The following PHF14 variants were observed in gnomAD, a reference collection of about 807,000 sequenced individuals.
PHF14 encodes PHD finger protein 14.
PHF14 carries 55 observed loss-of-function variants against 117.9 expected under a neutral mutation model. The observed-to-expected ratio is 0.47, with a 90% CI of 0.38 to 0.58. PHF14 has a LOEUF of 0.58. PHF14 is among the 20% of genes least tolerant of loss of function. PHF14 has a pLI of 0.00. For synonymous variants in PHF14, 409 were observed against 368.6 expected, an observed-to-expected ratio of 1.11 and a Z score of -1.26; for missense variants, 978 against 1,122.2, an observed-to-expected ratio of 0.87 and a Z score of 1.84.
At chr7:11,008,218 G>A (rs1458509483) in intron 4 of PHF14, among the ~76,000 whole-genome samples, 1 of 152,170 alleles carries the variant, frequency 6.6e-6, no homozygotes, top group East Asian at 1.9e-4. Flanking sequence ...TTTACTGTTA[G>A]CCTAGCCCAA....
intron 7 of PHF14, among the ~76,000 whole-genome samples, chr7:11,033,434 G>A (rs1365004654): frequency 6.6e-6 from 1 of 152,112 alleles, no homozygotes; most frequent in Non-Finnish European, 1.5e-5. Flanking sequence ...GCAAAGAGGA[G>A]GTTAAGAGTA....
At chr7:11,007,484 C>G (rs1194144991) in intron 4 of PHF14, among the ~76,000 whole-genome samples, 3 of 151,976 alleles carry the variant, frequency 2.0e-5, no homozygotes, top group African/African-American at 7.3e-5. Context: ...AAAACTCAAT[C>G]CAAAGAAAGG....
intron 4 of PHF14, among the ~76,000 whole-genome samples, chr7:11,003,090 G>C (rs976125427): frequency 7.9e-5 from 12 of 152,128 alleles, no homozygotes; most frequent in African/African-American, 2.9e-4. Flanking sequence ...ACAGGCGTGT[G>C]CCACCACACC....
rs751367742 is a variant in PHF14 at position 11,074,937 on chromosome 7, CT to C, written c.2654+12871del. ...AAGCTGCTTCCATATTTTCAGATATCTTTTTTTTTTTTTTTTTTTAGATGGA... is the reference window on the plus strand; with the variant it reads ...AAGCTGCTTCCATATTTTCAGATATCTTTTTTTTTTTTTTTTTTAGATGGA... On this transcript the variant is annotated intron_variant, in intron 16 of 17. Coordinates refer to ENST00000634607, the MANE Select transcript of PHF14 (RefSeq NM_001007157.2). 4.4e-3 allele frequency among the ~76,000 whole-genome samples: 585 copies of C among 132,396 alleles called. 1 individual carries two copies. The highest frequency in any genetic ancestry group is 5.0e-3 in the Admixed American group (65 of 12,992). 86.9% of individuals were successfully genotyped at this position (132,396 alleles called of 152,430 possible). A position where few individuals can be genotyped will look rare whatever the true frequency, so the allele number is the denominator to read the frequency against.
At chr7:11,115,583 ATTC>A (rs1400159765) in intron 17 of PHF14, among the ~76,000 whole-genome samples, 13 of 151,886 alleles carry the variant, frequency 8.6e-5, no homozygotes, top group Admixed American at 8.6e-4. Flanking sequence ...GTGTTTTTTC[ATTC>A]TTCTTCATAT....
intron 17 of PHF14, among the ~76,000 whole-genome samples, chr7:11,154,737 C>G (rs1282477398): frequency 6.6e-6 from 1 of 152,040 alleles, no homozygotes; most frequent in Non-Finnish European, 1.5e-5. Flanking sequence ...TAATCAGATG[C>G]CCGTGGGGTG....
intron 16 of PHF14, among the ~76,000 whole-genome samples, chr7:11,089,694 C>A (rs1184158218): frequency 1.3e-5 from 2 of 151,518 alleles, no homozygotes; most frequent in South Asian, 2.1e-4. Flanking sequence ...TTGATTATTG[C>A]CTCATGAATA....
Position 10,982,703 on chromosome 7 carries a change from T to C in PHF14, c.444T>C (p.Ala148=), listed in dbSNP as rs1782082679. ...ATVSENVAAS[A]AATTPATSPP... ...TATCTGAGAATGTGGCTGCTTCTGC[T>C]GCTGCCACCACACCAGCCACAAGTC... Residue 148 remains alanine (A), a synonymous_variant, in exon 3 of 18, where the codon GCT becomes GCC. Coordinates refer to ENST00000634607, the MANE Select transcript of PHF14 (RefSeq NM_001007157.2). The C allele has an allele frequency of 1.2e-6, 2 of 1,609,780 alleles. No homozygotes were observed. The highest frequency in any genetic ancestry group is 2.2e-5 in the South Asian group (2 of 90,592).
intron 17 of PHF14, among the ~76,000 whole-genome samples, chr7:11,141,353 A>G (rs1788391373): frequency 6.6e-6 from 1 of 152,074 alleles, no homozygotes; most frequent in Admixed American, 6.6e-5. Flanking sequence ...GAGCAGGCCC[A>G]GATGAGGACT....
intron 17 of PHF14, among the ~76,000 whole-genome samples, chr7:11,157,566 A>AAGG (rs1425816708): frequency 4.6e-5 from 7 of 152,182 alleles, no homozygotes; most frequent in African/African-American, 1.4e-4. Flanking sequence ...CTGAGATAAA[A>AAGG]TGTCAGTATT....
chr7:10,986,100 C>A (rs527940974), intron 3 of PHF14, among the ~76,000 whole-genome samples: 1 of 151,814 alleles, frequency 6.6e-6, no homozygotes, highest in Non-Finnish European at 1.5e-5. Flanking sequence ...TTTGGAGTAG[C>A]TGAGACTACA....
chr7:11,091,051 T>A (rs1192560428), intron 16 of PHF14, among the ~76,000 whole-genome samples: 1 of 152,198 alleles, frequency 6.6e-6, no homozygotes, highest in Non-Finnish European at 1.5e-5. Flanking sequence ...GGAGATTTAT[T>A]GAAGACAAGG....
At chr7:11,138,114 C>T (rs989639899) in intron 17 of PHF14, among the ~76,000 whole-genome samples, 12 of 151,254 alleles carry the variant, frequency 7.9e-5, no homozygotes, top group Middle Eastern at 6.8e-3. Flanking sequence ...GATCTTGGCT[C>T]ACTGCAGGCT....
At chr7:11,062,825 A>C in intron 16 of PHF14, 1 of 985,286 alleles carries the variant, frequency 1.0e-6, no homozygotes, top group African/African-American at 1.7e-5. Flanking sequence ...AATTTAAAAG[A>C]GGCATCAGAC....
At chr7:11,135,761 C>T (rs1788202677) in intron 17 of PHF14, among the ~76,000 whole-genome samples, 1 of 152,102 alleles carries the variant, frequency 6.6e-6, no homozygotes, top group African/African-American at 2.4e-5. Context: ...CCTTCATTTT[C>T]CTTCTACCTC....
intron 13 of PHF14, among the ~76,000 whole-genome samples, chr7:11,047,636 A>C (rs1279030874): frequency 6.6e-6 from 1 of 150,422 alleles, no homozygotes; most frequent in East Asian, 2.0e-4. Context: ...AAAATACAAA[A>C]ATTAGCTAGG....
intron 17 of PHF14, among the ~76,000 whole-genome samples, chr7:11,127,847 A>G (rs7792131): frequency 0.032 from 4,932 of 152,190 alleles, 175 homozygotes; most frequent in African/African-American, 0.086. Flanking sequence ...TCACTCACCC[A>G]TGAGTCCTAA....
Position 11,133,935 on chromosome 7 carries a change from C to T in PHF14, c.2772+22468C>T, listed in dbSNP as rs116562607. On this transcript the variant is annotated intron_variant, in intron 17 of 17. Coordinates refer to ENST00000634607, the MANE Select transcript of PHF14 (RefSeq NM_001007157.2). ...TTATTAAGGTAAGGACTAACCTGGACCAGGTGACCCAAGTGAGGAATTTAA... is the reference window on the plus strand; with the variant it reads ...TTATTAAGGTAAGGACTAACCTGGATCAGGTGACCCAAGTGAGGAATTTAA... Among the ~76,000 whole-genome samples, 1,210 of 152,066 alleles carry T rather than the reference C, an allele frequency of 8.0e-3. 11 individuals carry two copies. Among genetic ancestry groups the T allele is most frequent in the African/African-American group, 0.028 (1,153 of 41,540 alleles).
intron 17 of PHF14, among the ~76,000 whole-genome samples, chr7:11,127,829 A>G (rs1015660686): frequency 1.2e-4 from 19 of 152,130 alleles, no homozygotes. Context: ...CGAGAGATTG[A>G]GAAAATTTCA....
Sources: allele counts gnomAD v4.1 joint callset (sites outside exome capture counted in the v4.1 genomes callset), GRCh38; gene constraint gnomAD v4.1.1; transcripts MANE v1.5; gene names NCBI Gene and HGNC (gene_info 2026-07-23, HGNC 2026-07-21).